Variants in AIM2 observed in about 807,000 individuals in gnomAD.
AIM2 encodes absent in melanoma 2.
In AIM2, 30 loss-of-function variants were observed where a neutral mutation model predicts 27.7. The ratio of observed to expected loss-of-function variants is 1.08; its 90% CI spans 0.81 to 1.47. The LOEUF (loss-of-function observed/expected upper bound fraction) is 1.47, where lower values mean the gene tolerates loss of function less well. AIM2 is among the 40% of genes most tolerant of loss of function. The probability of loss-of-function intolerance (pLI) is 0.00; values close to 1 mark genes in which losing one functional copy is unlikely to be tolerated. For synonymous variants in AIM2, 141 were observed against 145.3 expected (o/e 0.97, Z 0.21); for missense variants, 358 against 411.3 (o/e 0.87, Z 1.12).
chr1:159,087,450 G>A (rs78577629), intron 1 of AIM2, among the ~76,000 whole-genome samples: 6 of 152,110 alleles, frequency 3.9e-5, no homozygotes, highest in South Asian at 4.1e-4. Flanking sequence ...TCAGGAGGAC[G>A]ATTCTGGTAT....
rs188186367 is a variant in AIM2, at chr1:159,064,658, T to C, written c.817-984A>G. On this transcript the variant is annotated intron_variant, in intron 4 of 5. Transcript: ENST00000368130. Reference sequence around the variant, plus strand: ...TTTTTGTATTTTTACTAGAGACAGGTTTTGCCATGTTGGCCAGGATGATCT... The same window carrying C: ...TTTTTGTATTTTTACTAGAGACAGGCTTTGCCATGTTGGCCAGGATGATCT... 2.4e-4 allele frequency among the ~76,000 whole-genome samples: 37 copies of C among 152,204 alleles called. No homozygotes were observed. The East Asian group carries it at 6.6e-3, about 27-fold the overall frequency.
intron 1 of AIM2, among the ~76,000 whole-genome samples, chr1:159,113,355 T>C (rs1158948573): frequency 6.6e-6 from 1 of 152,174 alleles, no homozygotes; most frequent in Admixed American, 6.5e-5. Context: ...TCAAAAGACC[T>C]CTTCTGAATA....
chr1:159,126,104 T>C (rs1647677370), intron 1 of AIM2, among the ~76,000 whole-genome samples: 1 of 152,204 alleles, frequency 6.6e-6, no homozygotes, highest in African/African-American at 2.4e-5. Flanking sequence ...CTAACTTGAA[T>C]CTCTTGTTTT....
intron 1 of AIM2, among the ~76,000 whole-genome samples, chr1:159,137,429 G>A (rs750765165): frequency 4.1e-4 from 62 of 152,252 alleles, no homozygotes; most frequent in Non-Finnish European, 8.5e-4. Flanking sequence ...GGCTGAGGCG[G>A]GTGGATCACT....
chr1:159,132,186 A>T (rs908849535), intron 1 of AIM2: 1 of 121,416 alleles, frequency 8.2e-6, no homozygotes, highest in Non-Finnish European at 1.7e-5. Flanking sequence ...CATCTCTACT[A>T]GAAATACCAA....
intron 1 of AIM2, among the ~76,000 whole-genome samples, chr1:159,130,143 G>A (rs190607562): frequency 6.6e-6 from 1 of 152,238 alleles, no homozygotes; most frequent in Non-Finnish European, 1.5e-5. Context: ...AGCCCTCCTA[G>A]TTTTCTTCCT....
intron 1 of AIM2, among the ~76,000 whole-genome samples, chr1:159,086,925 G>C (rs1656926996): frequency 6.6e-6 from 1 of 152,132 alleles, no homozygotes; most frequent in African/African-American, 2.4e-5. Flanking sequence ...TGTCTTGTCT[G>C]CCTTTTTCAG....
chr1:159,084,003 A>G (rs1656840408), intron 1 of AIM2, among the ~76,000 whole-genome samples: 1 of 152,200 alleles, frequency 6.6e-6, no homozygotes, highest in Non-Finnish European at 1.5e-5. Flanking sequence ...CCAGTAAGCC[A>G]ATAAGTGAGA....
intron 1 of AIM2, among the ~76,000 whole-genome samples, chr1:159,126,259 C>T (rs1647683196): frequency 6.6e-6 from 1 of 152,180 alleles, no homozygotes. Flanking sequence ...CCATTTCCTG[C>T]ACTGTGGCCA....
At chr1:159,101,559 C>G (rs1323528164) in intron 1 of AIM2, among the ~76,000 whole-genome samples, 1 of 152,100 alleles carries the variant, frequency 6.6e-6, no homozygotes, top group Non-Finnish European at 1.5e-5. Context: ...TTGGAAGGCT[C>G]AGAAGAAGAC....
At chr1:159,073,082 G>A (rs551419564) in intron 2 of AIM2, among the ~76,000 whole-genome samples, 156 bp downstream of exon 2, 6 of 152,320 alleles carry the variant, frequency 3.9e-5, no homozygotes, top group Non-Finnish European at 4.4e-5. Context: ...TCCTAGAAGC[G>A]ATTCTCAGTA....
chr1:159,096,723 A>T (rs1274635264), intron 1 of AIM2, among the ~76,000 whole-genome samples: 2 of 152,110 alleles, frequency 1.3e-5, no homozygotes. Flanking sequence ...AGCTGGGACC[A>T]ACCAGAAGAA....
chr1:159,129,336 G>T (rs974340424), intron 1 of AIM2, among the ~76,000 whole-genome samples: 4 of 152,168 alleles, frequency 2.6e-5, no homozygotes, highest in African/African-American at 9.7e-5. Context: ...ACCCAGTTTG[G>T]GGAAATTTGT....
chr1:159,120,266 A>G (rs367950957), intron 1 of AIM2, among the ~76,000 whole-genome samples: 99 of 152,316 alleles, frequency 6.5e-4, no homozygotes, highest in Middle Eastern at 6.8e-3. Flanking sequence ...TTGTGCCACC[A>G]AAAGACGTAT....
downstream of AIM2, among the ~76,000 whole-genome samples, chr1:159,059,411 T>C (rs1208166323): frequency 6.6e-6 from 1 of 152,194 alleles, no homozygotes; most frequent in Non-Finnish European, 1.5e-5. Flanking sequence ...TTGAGAATAC[T>C]GAAGTTCAGA....
At chr1:159,075,534 T>TACACACACACAC (rs55988373) in intron 1 of AIM2, among the ~76,000 whole-genome samples, 29 of 129,534 alleles carry the variant, frequency 2.2e-4, no homozygotes, top group African/African-American at 6.7e-4. Flanking sequence ...ATACCTGCAA[T>TACACACACACAC]ACACACACAC....
intron 1 of AIM2, among the ~76,000 whole-genome samples, chr1:159,130,220 T>G (rs1313474309): frequency 1.3e-5 from 2 of 152,228 alleles, no homozygotes; most frequent in African/African-American, 4.8e-5. Context: ...GATGGGTTCC[T>G]CAGGGCTTCT....
chr1:159,072,746 A>G (rs1318881748), intron 2 of AIM2, among the ~76,000 whole-genome samples: 1 of 152,218 alleles, frequency 6.6e-6, no homozygotes, highest in Non-Finnish European at 1.5e-5. Context: ...AAAGAAGGAT[A>G]GTCTGGGACC....
intron 1 of AIM2, among the ~76,000 whole-genome samples, chr1:159,121,375 A>G (rs1647529749): frequency 6.6e-6 from 1 of 152,232 alleles, no homozygotes; most frequent in Non-Finnish European, 1.5e-5. Flanking sequence ...TACAAACACT[A>G]CTTGATCATA....
Sources: allele counts gnomAD v4.1 joint callset (sites outside exome capture counted in the v4.1 genomes callset), GRCh38; gene constraint gnomAD v4.1.1; transcripts MANE v1.5; gene names NCBI Gene and HGNC (gene_info 2026-07-23, HGNC 2026-07-21).